Variants in TMEM161A observed in about 807,000 individuals in gnomAD.
The protein encoded by TMEM161A is adaptive response to oxidative stress protein 29.
TMEM161A carries 46 observed loss-of-function variants against 57.1 expected under a neutral mutation model. That is an observed-to-expected ratio of 0.81 (90% CI 0.64 to 1.03). The LOEUF is 1.03. TMEM161A is among the 50% of genes least tolerant of loss of function. TMEM161A has a pLI of 0.00. For synonymous variants in TMEM161A, 288 were observed against 279.0 expected (o/e 1.03, Z -0.32); for missense variants, 601 against 621.5 (o/e 0.97, Z 0.35).
intron 6 of TMEM161A, among the ~76,000 whole-genome samples, chr19:19,124,022 C>T (rs541386957): frequency 6.6e-6 from 1 of 151,726 alleles, no homozygotes; most frequent in South Asian, 2.1e-4. Context: ...CCACTGCACT[C>T]CAGCCTGGCC....
rs2059899796 is a variant in TMEM161A at position 19,120,026 on chromosome 19, A to G, written c.1344T>C (p.Arg448=). The G allele has an allele frequency of 1.3e-6, 2 of 1,599,760 alleles. No individual in the cohort carries two copies. The highest frequency in any genetic ancestry group is 1.3e-5 in the African/African-American group (1 of 74,708). Reference sequence around the variant, plus strand: ...ACCAGATGAGGTAGGCCAGGACGCCACGGAGGAAGAGGGGAGTAAGCAGGC... The same window carrying G: ...ACCAGATGAGGTAGGCCAGGACGCCGCGGAGGAAGAGGGGAGTAAGCAGGC... ...LGGLLTPLFL[R]GVLAYLIWWT... The change falls in exon 12 of 12, where the codon CGT becomes CGC. Residue 448 remains arginine, a synonymous_variant. Coordinates refer to ENST00000162044, the MANE Select transcript of TMEM161A (RefSeq NM_017814.3).
chr19:19,121,325 C>T lies in TMEM161A; in HGVS notation c.897G>A (p.Gly299=), dbSNP rs114932892. 2,271 of 1,572,380 alleles carry T rather than the reference C, an allele frequency of 1.4e-3. 29 individuals carry two copies. The African/African-American group carries it at 0.028, about 19-fold the overall frequency. The change falls in exon 9 of 12, where the codon GGG becomes GGA. Residue 299 remains glycine, a synonymous_variant. Transcript: ENST00000162044. The surrounding 1 kb of genome is among the most constrained non-coding windows in gnomAD (Gnocchi z 5.8). The part of the protein sequence containing the change: ...ARDFLHQPPF[G]ETRFSLLSDS... ...ATACGCACAGGGAGAAACGCGTCTC[C>T]CCAAACGGCGGCTGGTGCAGGAAGT...
At chr19:19,134,914 C>G in intron 1 of TMEM161A, 27 bp from the exon 2 acceptor site, 3 of 1,490,384 alleles carry the variant, frequency 2.0e-6, no homozygotes, top group Non-Finnish European at 2.8e-6. Context: ...TGACTGGCAG[C>G]ACCTGCCAGA....
At chr19:19,131,903 C>T (rs996392921) in intron 5 of TMEM161A, among the ~76,000 whole-genome samples, 12 of 151,980 alleles carry the variant, frequency 7.9e-5, no homozygotes, top group South Asian at 4.2e-4. Context: ...TCAGGTGATC[C>T]GCCTGCCTCA....
At chr19:19,125,923 G>T (rs2059928648) in intron 6 of TMEM161A, among the ~76,000 whole-genome samples, 1 of 151,946 alleles carries the variant, frequency 6.6e-6, no homozygotes, top group African/African-American at 2.4e-5. Flanking sequence ...GAGGTCTGGA[G>T]TTCAAGACCA....
At chr19:19,134,698 G>C in intron 2 of TMEM161A, 86 bp downstream of exon 2, 1 of 1,001,248 alleles carries the variant, frequency 1.0e-6, no homozygotes, top group Non-Finnish European at 1.5e-6. Flanking sequence ...CCAAAATCAA[G>C]GCTTTGCAAT....
intron 11 of TMEM161A, 21 bp downstream of exon 11, chr19:19,120,744 C>T (rs764411164): frequency 1.2e-6 from 2 of 1,610,408 alleles, no homozygotes; most frequent in Non-Finnish European, 1.7e-6. Flanking sequence ...CCTCCTCCAC[C>T]CCCACACCGC....
chr19:19,120,743 C>T, intron 11 of TMEM161A, 22 bp downstream of exon 11: 1 of 1,609,428 alleles, frequency 6.2e-7, no homozygotes, highest in Non-Finnish European at 8.5e-7. Context: ...CCCTCCTCCA[C>T]CCCCACACCG....
rs577044382 is a variant in TMEM161A at position 19,130,262 on chromosome 19, C to A, written c.489G>T (p.Glu163Asp). ...TGAGGCAGACAGAGCGCTCACCCCC[C>A]TCCTCGGCGCTGAAGTACAGCCGTG... is the stretch of plus-strand genomic sequence containing the variant. ...TVTRLYFSAEEGGERSVCLTF... is the reference protein window; with the variant it reads ...TVTRLYFSAEDGGERSVCLTF... Residue 163 changes from glutamate (E) to aspartate (D), a missense_variant, in exon 6 of 12, where the codon GAG becomes GAT. Coordinates refer to ENST00000162044, the MANE Select transcript of TMEM161A (RefSeq NM_017814.3). 1.2e-5 allele frequency: 19 copies of A among 1,613,852 alleles called. No homozygotes were observed. The highest frequency in any genetic ancestry group is 1.6e-4 in the Middle Eastern group (1 of 6,062).
In TMEM161A at chr19:19,120,325, C is replaced by T. The variant is rs544101995; in HGVS notation, c.1187-142G>A. The T allele has an allele frequency of 3.5e-5, 27 of 772,532 alleles. No homozygotes were observed. In the South Asian group the frequency reaches 4.3e-4, roughly 12 times the overall value. The allele number at this position is 772,532 out of a possible 1,614,324, so 47.9% of individuals were successfully genotyped here. A position where few individuals can be genotyped will look rare whatever the true frequency, so the allele number is the denominator to read the frequency against. Reference sequence around the variant, plus strand: ...TCCATCTCCAGCCCAGTCTCCACCCCCTCAGGCGCTGCCCCCTGTCCAAGG... The same window carrying T: ...TCCATCTCCAGCCCAGTCTCCACCCTCTCAGGCGCTGCCCCCTGTCCAAGG... On this transcript the variant is annotated intron_variant, in intron 11 of 11. Transcript: ENST00000162044.
intron 6 of TMEM161A, among the ~76,000 whole-genome samples, chr19:19,127,168 A>G (rs2059934545): frequency 6.6e-6 from 1 of 152,098 alleles, no homozygotes; most frequent in Admixed American, 6.6e-5. Flanking sequence ...ACTCTCCAAA[A>G]CTGAAAATGG....
chr19:19,138,272 G>A (rs77968558), intron 1 of TMEM161A, among the ~76,000 whole-genome samples, 154 bp downstream of exon 1: 3,291 of 152,328 alleles, frequency 0.022, 114 homozygotes, highest in African/African-American at 0.074. Context: ...AGGGCTCCCA[G>A]AGAGGGACAC....
At chr19:19,137,513 TC>T in intron 1 of TMEM161A, among the ~76,000 whole-genome samples, 1 of 152,294 alleles carries the variant, frequency 6.6e-6, no homozygotes, top group South Asian at 2.1e-4. Context: ...CTCCTTCTTT[TC>T]CCTTCACTGG....
Position 19,121,838 on chromosome 19 carries a change from G to C in TMEM161A, c.596-19C>G, listed in dbSNP as rs373938287. On this transcript the variant is annotated intron_variant, in intron 6 of 11. Transcript: ENST00000162044. The surrounding 1 kb of genome is among the most constrained non-coding windows in gnomAD (Gnocchi z 5.8). ...GCCAGACCTGGGGACGATAAGAAGA[G>C]GACCGAGTAGAGTGAATTCCTAGGG... 4.4e-5 allele frequency: 71 copies of C among 1,613,138 alleles called. No homozygotes were observed. The highest frequency in any genetic ancestry group is 5.8e-5 in the Non-Finnish European group (69 of 1,179,908).
chr19:19,129,175 T>C (rs540544582), intron 6 of TMEM161A, among the ~76,000 whole-genome samples: 4 of 152,306 alleles, frequency 2.6e-5, no homozygotes, highest in South Asian at 2.1e-4. Flanking sequence ...CCTTGGGAGA[T>C]TGGTGCAGTC....
chr19:19,135,317 C>T (rs1251873656), intron 1 of TMEM161A, among the ~76,000 whole-genome samples: 1 of 152,122 alleles, frequency 6.6e-6, no homozygotes, highest in Non-Finnish European at 1.5e-5. Context: ...GCCTTCTGCA[C>T]CCCACACTGT....
chr19:19,126,334 C>T (rs927627735), intron 6 of TMEM161A, among the ~76,000 whole-genome samples: 4 of 152,128 alleles, frequency 2.6e-5, no homozygotes, highest in South Asian at 2.1e-4. Flanking sequence ...TGTATGCAGA[C>T]GGAAAATAAT....
rs377306706 is a variant in TMEM161A, at chr19:19,135,540, G to A, written c.4-653C>T. Among the ~76,000 whole-genome samples the A allele has an allele frequency of 1.1e-4, 17 of 152,082 alleles. 2 individuals are homozygous for A. Among genetic ancestry groups the A allele is most frequent in the Admixed American group, 7.9e-4 (12 of 15,246 alleles). ...GAAGACCTACATGTCTGAGTGGGGT[G>A]AGCTTATTTATTTTTATTTATTTAT... On this transcript the variant is annotated intron_variant, in intron 1 of 11. Transcript: ENST00000162044.
intron 6 of TMEM161A, 57 bp downstream of exon 6, chr19:19,130,099 T>TCAGATTA: frequency 1.9e-6 from 3 of 1,598,928 alleles, no homozygotes; most frequent in Non-Finnish European, 2.6e-6. Context: ...ACCATCTTGG[T>TCAGATTA]CAGATTACAT....
Sources: gnomAD v4.1 joint callset for allele counts (sites outside exome capture counted in the v4.1 genomes callset) on GRCh38, gnomAD v4.1.1 for gene constraint, Gnocchi (gnomAD v3.1) non-coding constraint, MANE v1.5 for transcripts, NCBI Gene and HGNC (gene_info 2026-07-23, HGNC 2026-07-21) for gene names.